PUM2: variants seen among roughly 807,000 people sequenced by gnomAD.
PUM2 encodes pumilio homolog 2.
PUM2 carries 57 observed loss-of-function variants against 124.5 expected under a neutral mutation model. The observed-to-expected ratio is 0.46, with a 90% CI of 0.37 to 0.57. The LOEUF (loss-of-function observed/expected upper bound fraction) is 0.57. Ranked by LOEUF, PUM2 falls within the 20% of genes least tolerant of loss-of-function variation. The pLI, the probability that PUM2 is intolerant of heterozygous loss-of-function variation, is 0.00. For missense variants in PUM2, 1,065 were observed against 1,290.6 expected (o/e 0.83, Z 2.68); for synonymous variants, 460 against 446.1 (o/e 1.03, Z -0.39).
intron 3 of PUM2, among the ~76,000 whole-genome samples, chr2:20,313,358 G>A (rs1206861401): frequency 6.6e-6 from 1 of 152,096 alleles, no homozygotes; most frequent in Non-Finnish European, 1.5e-5. Flanking sequence ...AGCGCCATTT[G>A]GCAATAAACA....
intron 1 of PUM2, among the ~76,000 whole-genome samples, chr2:20,344,604 C>T (rs1687858976): frequency 6.6e-6 from 1 of 152,114 alleles, no homozygotes; most frequent in Non-Finnish European, 1.5e-5. Context: ...TGTCATTCTA[C>T]CCTATCAGGA....
chr2:20,282,121 T>C (rs1671679110), intron 12 of PUM2, among the ~76,000 whole-genome samples: 4 of 152,220 alleles, frequency 2.6e-5, no homozygotes, highest in South Asian at 2.1e-4. Flanking sequence ...GCTGCACCGA[T>C]AGAACTGGGT....
chr2:20,297,442 C>T (rs1286766765), intron 8 of PUM2, 111 bp downstream of exon 8: 1 of 1,050,554 alleles, frequency 9.5e-7, no homozygotes, highest in African/African-American at 1.6e-5. Flanking sequence ...GATAATGTTT[C>T]AGTTTTTCTT....
intron 8 of PUM2, among the ~76,000 whole-genome samples, chr2:20,296,004 T>C (rs1420958060): frequency 6.6e-6 from 1 of 152,196 alleles, no homozygotes. Flanking sequence ...ACCCACAGTT[T>C]AGTGGTTCTC....
rs1485687012 is a variant in PUM2 at position 20,350,785 on chromosome 2, C to G, written c.-207G>C. On this transcript the variant is annotated 5_prime_UTR_variant, in exon 1 of 21. Coordinates refer to ENST00000361078, the MANE Select transcript of PUM2 (RefSeq NM_015317.5). ...CCTCCTCCTCCGAACCACCGAAGTA[C>G]CGAGGGTGAGACACAGAGACTCACA... is the stretch of plus-strand genomic sequence containing the variant. The G allele has an allele frequency of 1.0e-6, 1 of 973,824 alleles. No individual in the cohort carries two copies. Among genetic ancestry groups the G allele is most frequent in the Non-Finnish European group, 1.2e-6 (1 of 825,786 alleles). 60.3% of individuals were successfully genotyped at this position (973,824 alleles called of 1,614,324 possible).
chr2:20,255,183 T>A (rs766709667), intron 18 of PUM2, 33 bp downstream of exon 18: 1 of 1,563,400 alleles, frequency 6.4e-7, no homozygotes, highest in East Asian at 2.2e-5. Context: ...TCCAAAAATA[T>A]ATAAACATTT....
intron 10 of PUM2, among the ~76,000 whole-genome samples, chr2:20,284,981 T>C (rs143613143): frequency 2.2e-3 from 335 of 152,372 alleles, no homozygotes; most frequent in African/African-American, 7.7e-3. Flanking sequence ...ATGTGTGGTC[T>C]AGTCCTAAAT....
intron 2 of PUM2, among the ~76,000 whole-genome samples, chr2:20,326,860 A>G (rs914424609): frequency 5.3e-5 from 8 of 152,236 alleles, no homozygotes; most frequent in Non-Finnish European, 1.2e-4. Context: ...GCAACTAGAC[A>G]ATAGATACAT....
At chr2:20,325,148 C>G (rs773642589) in intron 2 of PUM2, among the ~76,000 whole-genome samples, 2 of 152,128 alleles carry the variant, frequency 1.3e-5, no homozygotes, top group Non-Finnish European at 2.9e-5. Context: ...GATAGAAAGG[C>G]TTGTGGGAGA....
chr2:20,284,901 G>A (rs77170548), intron 10 of PUM2, among the ~76,000 whole-genome samples: 2,067 of 152,204 alleles, frequency 0.014, 47 homozygotes, highest in African/African-American at 0.047. Context: ...GCATTAGCAC[G>A]CTGCTAATAA....
At chr2:20,302,508 C>G (rs927669071) in intron 7 of PUM2, among the ~76,000 whole-genome samples, 4 of 152,112 alleles carry the variant, frequency 2.6e-5, no homozygotes, top group Admixed American at 1.3e-4. Flanking sequence ...AACCGCCCCC[C>G]CAAGTTATTT....
intron 20 of PUM2, 78 bp from the exon 21 acceptor site, chr2:20,251,794 G>T: frequency 6.6e-7 from 1 of 1,510,162 alleles, no homozygotes; most frequent in South Asian, 1.2e-5. Context: ...CCCAATTCTG[G>T]GTAATTTAGA....
chr2:20,254,066 A>G, intron 19 of PUM2, 52 bp from the exon 20 acceptor site: 1 of 1,494,226 alleles, frequency 6.7e-7, no homozygotes, highest in Non-Finnish European at 9.1e-7. Flanking sequence ...CTTCACAGCA[A>G]AATTTCCTTG....
intron 8 of PUM2, among the ~76,000 whole-genome samples, chr2:20,295,788 A>G (rs1328754379): frequency 6.6e-6 from 1 of 152,226 alleles, no homozygotes; most frequent in Admixed American, 6.5e-5. Context: ...TATATTTTGG[A>G]TATGTTGGGA....
chr2:20,257,866 A>G (rs543732437), intron 16 of PUM2, among the ~76,000 whole-genome samples: 1 of 152,336 alleles, frequency 6.6e-6, no homozygotes, highest in African/African-American at 2.4e-5. Flanking sequence ...TGTAAATAAA[A>G]CTGACATATA....
intron 1 of PUM2, among the ~76,000 whole-genome samples, chr2:20,335,582 A>G (rs1374188538): frequency 6.6e-6 from 1 of 152,234 alleles, no homozygotes. Flanking sequence ...GAGCTAAATC[A>G]ACAGTCTGTT....
chr2:20,295,602 G>A (rs970921239), intron 8 of PUM2, among the ~76,000 whole-genome samples: 11 of 151,616 alleles, frequency 7.3e-5, no homozygotes, highest in Admixed American at 3.3e-4. Flanking sequence ...AGGGTACACC[G>A]TAAAAATAAA....
At chr2:20,328,914 A>G (rs1684282342) in intron 1 of PUM2, among the ~76,000 whole-genome samples, 1 of 152,140 alleles carries the variant, frequency 6.6e-6, no homozygotes, top group South Asian at 2.1e-4. Context: ...GCTCATGCCT[A>G]TAATCCCAGC....
intron 2 of PUM2, among the ~76,000 whole-genome samples, chr2:20,320,692 A>G (rs1005119906): frequency 6.6e-6 from 1 of 152,202 alleles, no homozygotes; most frequent in African/African-American, 2.4e-5. Context: ...CTGCTCTAAC[A>G]AAGATCCCAG....
Sources: gnomAD v4.1 joint callset for allele counts (sites outside exome capture counted in the v4.1 genomes callset) on GRCh38, gnomAD v4.1.1 for gene constraint, MANE v1.5 for transcripts, NCBI Gene and HGNC (gene_info 2026-07-23, HGNC 2026-07-21) for gene names.